Variants in FBXO11 observed in about 807,000 individuals in gnomAD.
FBXO11 encodes the protein F-box protein 11.
A neutral mutation model predicts 117.0 loss-of-function variants in FBXO11; 13 were observed. That is an observed-to-expected ratio of 0.11 (90% confidence interval 0.07 to 0.18). The LOEUF (loss-of-function observed/expected upper bound fraction) is 0.18. FBXO11 is among the 10% of genes least tolerant of loss of function. The pLI, the probability that FBXO11 is intolerant of heterozygous loss-of-function variation, is 1.00. For synonymous variants in FBXO11, 490 were observed against 380.5 expected, an observed-to-expected ratio of 1.29 and a Z score of -3.35; for missense variants, 767 against 1,164.4, an observed-to-expected ratio of 0.66 and a Z score of 4.97.
At chr2:47,810,471 GACT>G (rs2104634247) in intron 18 of FBXO11, 45 bp from the exon 19 acceptor site, 2 of 1,212,720 alleles carry the variant, frequency 1.6e-6, no homozygotes, top group Non-Finnish European at 2.3e-6. Context: ...GCATATAACA[GACT>G]ACTAACCTTT....
intron 19 of FBXO11, chr2:47,810,082 T>C (rs779880583): frequency 6.0e-6 from 3 of 503,302 alleles, no homozygotes; most frequent in Admixed American, 3.8e-5. Flanking sequence ...TCTATCCCAA[T>C]AAATGTTTCA....
intron 1 of FBXO11, among the ~76,000 whole-genome samples, chr2:47,872,241 T>A (rs917507828): frequency 4.6e-5 from 7 of 151,396 alleles, no homozygotes; most frequent in South Asian, 2.1e-4. Context: ...GAGCTGCAGT[T>A]CTTAAAAAGT....
chr2:47,813,102 G>C (rs757740358), intron 18 of FBXO11, 132 bp downstream of exon 18: 2 of 972,994 alleles, frequency 2.1e-6, no homozygotes, highest in Non-Finnish European at 3.3e-6. Flanking sequence ...TCCTAAACCA[G>C]TTCAACTTGA....
intron 1 of FBXO11, among the ~76,000 whole-genome samples, chr2:47,876,002 C>T (rs1675977664): frequency 6.6e-6 from 1 of 152,182 alleles, no homozygotes; most frequent in Non-Finnish European, 1.5e-5. Context: ...CCCACAACAA[C>T]TATGAGAAGG....
chr2:47,868,566 C>T (rs183767695), intron 1 of FBXO11, among the ~76,000 whole-genome samples: 1 of 152,314 alleles, frequency 6.6e-6, no homozygotes, highest in East Asian at 1.9e-4. Context: ...TGACAGCTCT[C>T]TACTTTAATC....
rs142985026 is a variant in FBXO11, at chr2:47,881,181, G to A, written c.232+24308C>T. Among the ~76,000 whole-genome samples, 186 of 152,308 alleles carry A rather than the reference G, an allele frequency of 1.2e-3. 1 individual carries two copies. The highest frequency in any genetic ancestry group is 4.3e-3 in the African/African-American group (177 of 41,568). On this transcript the variant is annotated intron_variant, in intron 1 of 22. Coordinates refer to ENST00000403359, the MANE Select transcript of FBXO11 (RefSeq NM_001190274.2). ...GCAGTAGAATCACTTGAACCCGGGA[G>A]TCGGAGGTTGCAGTGAGCCAAGATT...
At chr2:47,820,798 A>T (rs148019678) in intron 13 of FBXO11, among the ~76,000 whole-genome samples, 1 of 152,268 alleles carries the variant, frequency 6.6e-6, no homozygotes, top group East Asian at 1.9e-4. Context: ...TATCTACCTC[A>T]CAGTGTTGAT....
intron 1 of FBXO11, among the ~76,000 whole-genome samples, chr2:47,877,792 C>T (rs1676119559): frequency 1.3e-5 from 2 of 152,230 alleles, no homozygotes; most frequent in Non-Finnish European, 2.9e-5. Flanking sequence ...TCAAGCGATT[C>T]TCCTGCTTCA....
intron 1 of FBXO11, among the ~76,000 whole-genome samples, chr2:47,845,520 G>C (rs538862078): frequency 3.3e-5 from 5 of 152,220 alleles, no homozygotes; most frequent in African/African-American, 1.2e-4. Flanking sequence ...AAGATAAGTT[G>C]GCTACTACTG....
intron 11 of FBXO11, among the ~76,000 whole-genome samples, chr2:47,826,348 C>T (rs111267964): frequency 0.025 from 3,861 of 152,224 alleles, 165 homozygotes; most frequent in African/African-American, 0.088. Flanking sequence ...TGAGCCACCG[C>T]GCCCAGCTGA....
chr2:47,816,680 G>A (rs770064152), intron 16 of FBXO11, among the ~76,000 whole-genome samples: 6 of 152,306 alleles, frequency 3.9e-5, no homozygotes, highest in East Asian at 1.9e-4. Context: ...ATTAGCAGGC[G>A]TGAAAACAAC....
chr2:47,835,647 G>A (rs934902378), intron 5 of FBXO11, among the ~76,000 whole-genome samples: 3 of 152,014 alleles, frequency 2.0e-5, no homozygotes, highest in Admixed American at 6.6e-5. Flanking sequence ...ACAGGTGTGC[G>A]CCACCATGTC....
intron 1 of FBXO11, among the ~76,000 whole-genome samples, chr2:47,851,502 CA>C (rs1673856772): frequency 6.6e-6 from 1 of 152,200 alleles, no homozygotes; most frequent in African/African-American, 2.4e-5. Context: ...GCTGGGATTA[CA>C]GGTGTGAGCC....
intron 1 of FBXO11, among the ~76,000 whole-genome samples, chr2:47,903,857 C>G (rs1678517245): frequency 6.6e-6 from 1 of 152,168 alleles, no homozygotes; most frequent in Admixed American, 6.5e-5. Context: ...CAGAAGAACA[C>G]TGATAGACAT....
intron 1 of FBXO11, among the ~76,000 whole-genome samples, chr2:47,869,640 A>G (rs528102153): frequency 6.6e-6 from 1 of 152,338 alleles, no homozygotes; most frequent in African/African-American, 2.4e-5. Context: ...GAAGGCAAAA[A>G]GAGTACAGAA....
At chr2:47,822,453 T>A in intron 12 of FBXO11, 150 bp from the exon 13 acceptor site, 1 of 562,346 alleles carries the variant, frequency 1.8e-6, no homozygotes, top group East Asian at 3.1e-5. Context: ...CCTAAGACTT[T>A]GGAAAAGTCA....
intron 4 of FBXO11, chr2:47,836,850 C>G (rs1672605696): frequency 3.4e-6 from 1 of 296,280 alleles, no homozygotes; most frequent in Middle Eastern, 1.3e-3. Context: ...GAGGCGTGAT[C>G]ATGGCTCATT....
At chr2:47,849,936 A>T (rs1483993573) in intron 1 of FBXO11, among the ~76,000 whole-genome samples, 2 of 152,312 alleles carry the variant, frequency 1.3e-5, no homozygotes, top group East Asian at 3.9e-4. Flanking sequence ...ATGGTCACTG[A>T]AGGGTATTAA....
intron 1 of FBXO11, among the ~76,000 whole-genome samples, chr2:47,851,787 T>C (rs921670097): frequency 6.6e-6 from 1 of 152,234 alleles, no homozygotes; most frequent in African/African-American, 2.4e-5. Flanking sequence ...CTTTAGTTTA[T>C]GGGCAAGGAG....
Sources: allele counts gnomAD v4.1 joint callset (sites outside exome capture counted in the v4.1 genomes callset), GRCh38; gene constraint gnomAD v4.1.1; transcripts MANE v1.5; gene names NCBI Gene and HGNC (gene_info 2026-07-23, HGNC 2026-07-21).